The following NEK10 variants were observed in gnomAD, a reference collection of about 807,000 sequenced individuals.
NEK10 encodes the protein NIMA related kinase 10, also known as serine/threonine-protein kinase Nek10.
Under a neutral mutation model 159.8 loss-of-function variants are expected in NEK10, and 122 were observed. That is an observed-to-expected ratio of 0.76 (90% CI 0.66 to 0.89). The LOEUF (loss-of-function observed/expected upper bound fraction) is 0.89, where lower values mean the gene tolerates loss of function less well. NEK10 is among the 40% of genes least tolerant of loss of function. The pLI is 0.00. For synonymous variants in NEK10, 466 were observed against 457.1 expected (o/e 1.02, Z -0.25); for missense variants, 1,342 against 1,323.1 (o/e 1.01, Z -0.22).
intron 7 of NEK10, among the ~76,000 whole-genome samples, chr3:27,313,027 C>A (rs1157025086): frequency 6.6e-6 from 1 of 150,734 alleles, no homozygotes; most frequent in Non-Finnish European, 1.5e-5. Context: ...TGTTCCAACT[C>A]AAAAACGTGA....
intron 23 of NEK10, among the ~76,000 whole-genome samples, chr3:27,205,160 G>C (rs533451287): frequency 6.6e-6 from 1 of 152,054 alleles, no homozygotes; most frequent in East Asian, 1.9e-4. Context: ...TGGGGTTGAA[G>C]GACCTCTTCA....
chr3:27,196,767 A>G (rs1949595993), intron 25 of NEK10, among the ~76,000 whole-genome samples: 1 of 152,230 alleles, frequency 6.6e-6, no homozygotes, highest in Non-Finnish European at 1.5e-5. Flanking sequence ...ACCTATTAAA[A>G]GGAGAAATTA....
chr3:27,337,907 T>C (rs2046924870), intron 5 of NEK10, among the ~76,000 whole-genome samples: 2 of 151,296 alleles, frequency 1.3e-5, no homozygotes, highest in South Asian at 2.1e-4. Flanking sequence ...TAGGCAAAGA[T>C]TTTTTTTTAG....
At chr3:27,346,782 C>A (rs1020824594) in intron 3 of NEK10, among the ~76,000 whole-genome samples, 1 of 152,202 alleles carries the variant, frequency 6.6e-6, no homozygotes, top group Non-Finnish European at 1.5e-5. Flanking sequence ...AAAGAAGATT[C>A]TACCACTTTT....
At chr3:27,249,780 T>C (rs1353203536) in intron 23 of NEK10, among the ~76,000 whole-genome samples, 1 of 152,168 alleles carries the variant, frequency 6.6e-6, no homozygotes, top group Non-Finnish European at 1.5e-5. Flanking sequence ...TTTCTGGTTG[T>C]TTTGGGGTAT....
intron 32 of NEK10, among the ~76,000 whole-genome samples, chr3:27,120,382 G>A (rs1575380674): frequency 1.3e-5 from 2 of 150,754 alleles, no homozygotes; most frequent in East Asian, 3.9e-4. Context: ...GCAGTGCAGT[G>A]GCACAATCTC....
At chr3:27,154,374 A>G (rs952608514) in intron 30 of NEK10, among the ~76,000 whole-genome samples, 1 of 152,202 alleles carries the variant, frequency 6.6e-6, no homozygotes, top group Non-Finnish European at 1.5e-5. Flanking sequence ...CACACATTCA[A>G]AGAATTGGTA....
At chr3:27,270,094 G>A (rs1051485791) in intron 22 of NEK10, among the ~76,000 whole-genome samples, 1 of 152,168 alleles carries the variant, frequency 6.6e-6, no homozygotes, top group African/African-American at 2.4e-5. Flanking sequence ...CATGGCTAAT[G>A]AACTGAATAT....
chr3:27,351,841 G>A (rs950160841), intron 3 of NEK10, among the ~76,000 whole-genome samples: 21 of 151,992 alleles, frequency 1.4e-4, no homozygotes, highest in African/African-American at 5.1e-4. Flanking sequence ...TTGCTATGCT[G>A]TTCCCCAAGC....
intron 23 of NEK10, among the ~76,000 whole-genome samples, chr3:27,239,405 T>C (rs1954304147): frequency 6.6e-6 from 1 of 152,050 alleles, no homozygotes; most frequent in Non-Finnish European, 1.5e-5. Flanking sequence ...CCAGCATTTG[T>C]AGTGAGGGTA....
intron 23 of NEK10, among the ~76,000 whole-genome samples, chr3:27,221,888 G>A (rs1041285177): frequency 6.6e-6 from 1 of 152,120 alleles, no homozygotes; most frequent in Non-Finnish European, 1.5e-5. Flanking sequence ...GGGAGGGCTT[G>A]GCTGAGGCAG....
chr3:27,257,888 A>C (rs1956379023), intron 22 of NEK10, among the ~76,000 whole-genome samples: 2 of 148,896 alleles, frequency 1.3e-5, no homozygotes, highest in South Asian at 4.2e-4. Flanking sequence ...TGCCGGGTTC[A>C]CGCCATTCTC....
intron 35 of NEK10, among the ~76,000 whole-genome samples, chr3:27,112,491 G>A (rs1939717567): frequency 6.6e-6 from 1 of 152,192 alleles, no homozygotes; most frequent in Non-Finnish European, 1.5e-5. Context: ...TGATGACAAT[G>A]ATGACCATGT....
chr3:27,344,661 C>T (rs2047429368), intron 4 of NEK10, among the ~76,000 whole-genome samples: 1 of 152,152 alleles, frequency 6.6e-6, no homozygotes, highest in African/African-American at 2.4e-5. Flanking sequence ...CCTATAAACA[C>T]TAATGGCTAA....
intron 11 of NEK10, 148 bp from the exon 12 acceptor site, chr3:27,305,119 G>A (rs1366444875): frequency 1.8e-5 from 11 of 614,878 alleles, no homozygotes; most frequent in Admixed American, 2.8e-5. Flanking sequence ...TAAGGAGCCC[G>A]ATCAAAGCCA....
chr3:27,343,769 TC>T (rs1272827164), intron 5 of NEK10, among the ~76,000 whole-genome samples: 14 of 152,136 alleles, frequency 9.2e-5, no homozygotes, highest in Non-Finnish European at 4.4e-5. Context: ...TCCTCTACAG[TC>T]CCAACACTGC....
At chr3:27,348,323 G>A (rs976471396) in intron 3 of NEK10, among the ~76,000 whole-genome samples, 1 of 152,150 alleles carries the variant, frequency 6.6e-6, no homozygotes, top group Non-Finnish European at 1.5e-5. Flanking sequence ...GAGAGGAGTG[G>A]AAAGCTGCCG....
At chr3:27,285,361 CA>C in intron 20 of NEK10, among the ~76,000 whole-genome samples, 2 of 152,056 alleles carry the variant, frequency 1.3e-5, no homozygotes, top group Non-Finnish European at 2.9e-5. Flanking sequence ...ACGCTCAAAT[CA>C]AGTCAGACAT....
rs1045033928 is a variant in NEK10 at position 27,108,194 on chromosome 3, T to C, written c.*3078A>G. ...GAGTAAATTTCCTAACAGTGTTTCTTAATTGTGTTCTGCTTTAGAATGCCT... is the reference window on the plus strand; with the variant it reads ...GAGTAAATTTCCTAACAGTGTTTCTCAATTGTGTTCTGCTTTAGAATGCCT... On this transcript the variant is annotated 3_prime_UTR_variant, in exon 36 of 36. Coordinates refer to ENST00000691995, the MANE Select transcript of NEK10 (RefSeq NM_001394966.1). Among the ~76,000 whole-genome samples the C allele has an allele frequency of 5.3e-5, 8 of 152,214 alleles. No individual in the cohort carries two copies. Among genetic ancestry groups the C allele is most frequent in the Non-Finnish European group, 1.2e-4 (8 of 68,034 alleles).
Sources: allele counts gnomAD v4.1 joint callset (sites outside exome capture counted in the v4.1 genomes callset), GRCh38; gene constraint gnomAD v4.1.1; transcripts MANE v1.5; gene names NCBI Gene and HGNC (gene_info 2026-07-23, HGNC 2026-07-21).